The following PKHD1L1 variants were observed in gnomAD, a reference collection of about 807,000 sequenced individuals.
PKHD1L1 encodes fibrocystin-L.
Under a neutral mutation model 462.9 loss-of-function variants are expected in PKHD1L1, and 434 were observed. The ratio of observed to expected loss-of-function variants is 0.94; its 90% CI spans 0.87 to 1.02. The LOEUF (loss-of-function observed/expected upper bound fraction) is 1.02, where lower values mean the gene tolerates loss of function less well. Among genes scored for constraint, PKHD1L1 ranks in the 50% least tolerant of loss-of-function variants. The pLI, the probability that PKHD1L1 is intolerant of heterozygous loss-of-function variation, is 0.00. For missense variants in PKHD1L1, 5,202 were observed against 5,096.1 expected (o/e 1.02, Z -0.63); for synonymous variants, 1,781 against 1,750.0 (o/e 1.02, Z -0.44).
chr8:109,444,588 T>A, intron 37 of PKHD1L1, 73 bp from the exon 38 acceptor site: 1 of 1,348,826 alleles, frequency 7.4e-7, no homozygotes, highest in Non-Finnish European at 1.0e-6. Flanking sequence ...TTTGTAGTTG[T>A]TGCTAATACA....
Position 109,400,163 on chromosome 8 carries a change from G to A in PKHD1L1, c.1100G>A (p.Gly367Glu). The A allele has an allele frequency of 6.2e-7, 1 of 1,613,668 alleles. No homozygotes were observed. Among genetic ancestry groups the A allele is most frequent in the Non-Finnish European group, 8.5e-7 (1 of 1,179,692 alleles). The change falls in exon 13 of 78, where the codon GGG becomes GAG. Residue 367 changes from glycine (G) to glutamate (E), a missense_variant. Around this residue, in one of 3 missense-constraint regions of PKHD1L1, gnomAD observed 4,497 missense variants for 4,336.8 expected, o/e 1.04. Coordinates refer to ENST00000378402, the MANE Select transcript of PKHD1L1 (RefSeq NM_177531.6). ...CTGGAATACAATGAAAAAACGCCTG[G>A]GTACATGGGTGCCAGTTGGGTAGAT... ...EILEYNEKTP[G>E]YMGASWVDSA...
intron 70 of PKHD1L1, among the ~76,000 whole-genome samples, chr8:109,509,078 T>C (rs1396122693): frequency 6.6e-6 from 1 of 152,138 alleles, no homozygotes; most frequent in Non-Finnish European, 1.5e-5. Context: ...TGTAGTGTCA[T>C]AACATGTACT....
In PKHD1L1 at chr8:109,385,646, G is replaced by A; in HGVS notation, c.569+16G>A. The A allele has an allele frequency of 1.4e-6, 2 of 1,468,038 alleles. No homozygotes were observed. Among genetic ancestry groups the A allele is most frequent in the East Asian group, 2.3e-5 (1 of 43,310 alleles). The allele number at this position is 1,468,038 out of a possible 1,614,324, so 90.9% of individuals were successfully genotyped here. The stretch of plus-strand genomic sequence containing the variant: ...GGATTTTGAGGTAATCTTTTGATGT[G>A]GAAATATATTCTTATAACTCATAAA... On this transcript the variant is annotated intron_variant, in intron 6 of 77. Coordinates refer to ENST00000378402, the MANE Select transcript of PKHD1L1 (RefSeq NM_177531.6).
intron 71 of PKHD1L1, among the ~76,000 whole-genome samples, chr8:109,514,800 C>T (rs536733797): frequency 2.0e-4 from 31 of 152,084 alleles, no homozygotes; most frequent in Non-Finnish European, 3.4e-4. Context: ...ACGTTAAGTA[C>T]CTAATTTTGT....
intron 6 of PKHD1L1, among the ~76,000 whole-genome samples, chr8:109,387,946 G>C (rs1050266582): frequency 2.0e-5 from 3 of 152,124 alleles, no homozygotes; most frequent in Non-Finnish European, 4.4e-5. Context: ...CCAATCACCT[G>C]AGGAAATATG....
intron 5 of PKHD1L1, 32 bp from the exon 6 acceptor site, chr8:109,385,505 A>G: frequency 7.0e-7 from 1 of 1,424,274 alleles, no homozygotes; most frequent in African/African-American, 1.4e-5. Flanking sequence ...TTTCTTACAC[A>G]GAATCTTTTT....
intron 76 of PKHD1L1, 103 bp downstream of exon 76, chr8:109,523,489 T>A: frequency 8.6e-7 from 1 of 1,157,934 alleles, no homozygotes; most frequent in Non-Finnish European, 1.2e-6. Flanking sequence ...GGTCAATAAA[T>A]TATAGACATC....
At position 109,454,847 on chromosome 8, in the gene PKHD1L1, T is replaced by C. The variant is rs1816731220; in HGVS notation, c.6869T>C (p.Leu2290Pro). The change falls in exon 45 of 78, where the codon CTG becomes CCG. Residue 2290 changes from leucine to proline, a missense_variant. Physicochemically the swap from Leu to Pro is moderately conservative, Grantham distance 98. Transcript: ENST00000378402. Reference sequence around the variant, plus strand: ...GCTGTGCGGGAGGGAATCCTGGATCTGCACGGTACTGTGGCCAAGTGGCTA... The same window carrying C: ...GCTGTGCGGGAGGGAATCCTGGATCCGCACGGTACTGTGGCCAAGTGGCTA... ...TLAVREGILDLHGVPVPVTWT... is the reference protein window; with the variant it reads ...TLAVREGILDPHGVPVPVTWT... 4 of 1,613,390 alleles carry C rather than the reference T, an allele frequency of 2.5e-6. No homozygotes were observed. The highest frequency in any genetic ancestry group is 3.3e-5 in the Admixed American group (2 of 59,940).
chr8:109,471,174 T>G (rs1817696011), intron 50 of PKHD1L1: 2 of 1,175,232 alleles, frequency 1.7e-6, no homozygotes, highest in East Asian at 5.0e-5. Flanking sequence ...TGTCTTTTTT[T>G]ATTACTAGTG....
chr8:109,370,777 C>A (rs1266695601), intron 2 of PKHD1L1, among the ~76,000 whole-genome samples: 1 of 152,056 alleles, frequency 6.6e-6, no homozygotes, highest in African/African-American at 2.4e-5. Flanking sequence ...TTTGTCCTCG[C>A]GATAGCTTGC....
intron 21 of PKHD1L1, among the ~76,000 whole-genome samples, chr8:109,417,507 T>C (rs1187021487): frequency 1.7e-5 from 2 of 120,192 alleles, no homozygotes; most frequent in African/African-American, 7.0e-5. Flanking sequence ...TCCCTTGATA[T>C]TACCAGTCAA....
chr8:109,389,166 A>G lies in PKHD1L1; in HGVS notation c.697+14A>G, dbSNP rs754697208. 7 of 1,586,180 alleles carry G rather than the reference A, an allele frequency of 4.4e-6. No homozygotes were observed. Among genetic ancestry groups the G allele is most frequent in the Non-Finnish European group, 6.1e-6 (7 of 1,156,434 alleles). ...GAACTTTTATTGGCAAGTGTTGGTC[A>G]TCTTTCTTCATAATGCTCACAGATG... On this transcript the variant is annotated intron_variant, in intron 8 of 77. Coordinates refer to ENST00000378402, the MANE Select transcript of PKHD1L1 (RefSeq NM_177531.6).
chr8:109,454,588 A>T lies in PKHD1L1; in HGVS notation c.6745-135A>T, dbSNP rs1176252335. The T allele has an allele frequency of 1.2e-5, 16 of 1,295,112 alleles. No homozygotes were observed. In the Admixed American group the frequency reaches 3.9e-4, roughly 32 times the overall value. 80.2% of individuals were successfully genotyped at this position (1,295,112 alleles called of 1,614,324 possible). Reference sequence around the variant, plus strand: ...CTAGAAAATTAAAGGTTTATCTTTCAAAAGAAAGATATGAACAACTGAGCA... The same window carrying T: ...CTAGAAAATTAAAGGTTTATCTTTCTAAAGAAAGATATGAACAACTGAGCA... On this transcript the variant is annotated intron_variant, in intron 44 of 77. Coordinates refer to ENST00000378402, the MANE Select transcript of PKHD1L1 (RefSeq NM_177531.6).
intron 53 of PKHD1L1, 32 bp downstream of exon 53, chr8:109,477,428 A>C (rs769198690): frequency 1.3e-6 from 2 of 1,550,256 alleles, no homozygotes; most frequent in South Asian, 2.3e-5. Flanking sequence ...GATACCCTTC[A>C]ATATCTCTTA....
intron 37 of PKHD1L1, 75 bp downstream of exon 37, chr8:109,443,977 T>G (rs1030754010): frequency 7.8e-7 from 1 of 1,288,444 alleles, no homozygotes; most frequent in Non-Finnish European, 1.1e-6. Flanking sequence ...AACCTTGTTA[T>G]TTAATTTTTA....
In PKHD1L1 at chr8:109,406,987, A is replaced by G. The variant is rs959958273; in HGVS notation, c.1813+509A>G. 7.2e-5 allele frequency among the ~76,000 whole-genome samples: 11 copies of G among 152,270 alleles called. No individual in the cohort carries two copies. The East Asian group carries it at 2.1e-3, about 29-fold the overall frequency. On this transcript the variant is annotated intron_variant, in intron 17 of 77. Transcript: ENST00000378402. ...CCTGTGTTTAATGCAAACGTATTTT[A>G]TATTTCCATCTTTTTTCAAGTAATA...
At chr8:109,514,117 C>T (rs1820142266) in intron 71 of PKHD1L1, among the ~76,000 whole-genome samples, 1 of 152,112 alleles carries the variant, frequency 6.6e-6, no homozygotes, top group Non-Finnish European at 1.5e-5. Context: ...CACTGAGCTC[C>T]TTGCTGTTCC....
At chr8:109,443,271 T>C (rs978686948) in intron 36 of PKHD1L1, among the ~76,000 whole-genome samples, 155 bp downstream of exon 36, 17 of 152,204 alleles carry the variant, frequency 1.1e-4, no homozygotes, top group African/African-American at 4.1e-4. Context: ...GGCTGGAATT[T>C]ATCCTCTAAA....
chr8:109,507,641 A>G (rs1162922530), intron 68 of PKHD1L1, 22 bp from the exon 69 acceptor site: 1 of 1,584,388 alleles, frequency 6.3e-7, no homozygotes, highest in Non-Finnish European at 8.7e-7. Context: ...AATGAACTGA[A>G]TAATTCAACT....
Sources: gnomAD v4.1 joint callset for allele counts (sites outside exome capture counted in the v4.1 genomes callset) on GRCh38, gnomAD v4.1.1 for gene constraint, gnomAD v4.1.1 regional missense constraint, MANE v1.5 for transcripts, NCBI Gene and HGNC (gene_info 2026-07-23, HGNC 2026-07-21) for gene names.